Variants in ZNF718 observed in about 807,000 individuals in gnomAD.
ZNF718 encodes zinc finger protein 718.
In ZNF718, 3 loss-of-function variants were observed where a neutral mutation model predicts 2.6. The ratio of observed to expected loss-of-function variants is 1.16; its 90% CI spans 0.53 to 3.01. The LOEUF (loss-of-function observed/expected upper bound fraction) is 3.01. Among genes scored for constraint, ZNF718 ranks in the 30% most tolerant of loss-of-function variants. ZNF718 has a pLI of 0.03. For missense variants in ZNF718, 468 were observed against 230.0 expected (o/e 2.03, Z -6.69); for synonymous variants, 135 against 77.9 (o/e 1.73, Z -3.86).
intron 3 of ZNF718, among the ~76,000 whole-genome samples, chr4:147,993 A>G (rs1347471074): frequency 6.6e-6 from 1 of 152,180 alleles, no homozygotes; most frequent in Non-Finnish European, 1.5e-5. Context: ...AGGTTCCTGG[A>G]AGAGCAGGGT....
chr4:142,400 T>C (rs1553810410), intron 3 of ZNF718, among the ~76,000 whole-genome samples: 1 of 152,198 alleles, frequency 6.6e-6, no homozygotes, highest in African/African-American at 2.4e-5. Context: ...AAATAAAAGA[T>C]GAAAGCCCAG....
At chr4:192,611 A>G (rs61794968) in intron 3 of ZNF718, among the ~76,000 whole-genome samples, 59,163 of 151,862 alleles carry the variant, frequency 0.39, 12,018 homozygotes, top group South Asian at 0.49. Flanking sequence ...CTTAACTGCT[A>G]TCTGCTGAAC....
intron 3 of ZNF718, among the ~76,000 whole-genome samples, chr4:141,871 T>C (rs1715826543): frequency 2.6e-5 from 4 of 152,240 alleles, no homozygotes; most frequent in Admixed American, 2.6e-4. Context: ...GTGGGCCATT[T>C]AAACATTTTA....
chr4:136,317 A>G, intron 3 of ZNF718: 1 of 515,898 alleles, frequency 1.9e-6, no homozygotes, highest in South Asian at 1.4e-5. Flanking sequence ...GAACTGAGTC[A>G]CAGGACTGCT....
At chr4:154,003 GTGT>G (rs1186124606) in intron 3 of ZNF718, among the ~76,000 whole-genome samples, 1 of 152,142 alleles carries the variant, frequency 6.6e-6, no homozygotes, top group Admixed American at 6.5e-5. Context: ...TAATTCCCAT[GTGT>G]TGTGGGAGAT....
At chr4:181,097 C>G (rs572137119) in intron 3 of ZNF718, among the ~76,000 whole-genome samples, 1 of 149,772 alleles carries the variant, frequency 6.7e-6, no homozygotes, top group Admixed American at 6.6e-5. Context: ...TTGTGGCACA[C>G]TGCAGCCTCA....
At chr4:178,094 A>G (rs545005057) in intron 3 of ZNF718, among the ~76,000 whole-genome samples, 3 of 152,068 alleles carry the variant, frequency 2.0e-5, no homozygotes, top group Non-Finnish European at 4.4e-5. Context: ...ACATCTTTGC[A>G]TACACAGATA....
chr4:186,786 G>T (rs1717574508), intron 3 of ZNF718, among the ~76,000 whole-genome samples: 1 of 152,098 alleles, frequency 6.6e-6, no homozygotes, highest in Non-Finnish European at 1.5e-5. Flanking sequence ...ATGTATACTG[G>T]CTATTTTGGC....
chr4:198,745 C>A (rs1717840977), intron 3 of ZNF718, among the ~76,000 whole-genome samples: 1 of 152,214 alleles, frequency 6.6e-6, no homozygotes, highest in South Asian at 2.1e-4. Context: ...TAGAATGCTG[C>A]TGGAGGATTC....
chr4:139,698 G>C (rs537616220), intron 3 of ZNF718, among the ~76,000 whole-genome samples: 1 of 152,342 alleles, frequency 6.6e-6, no homozygotes, highest in Admixed American at 6.5e-5. Flanking sequence ...CCTACAACTG[G>C]TAACGTATAT....
Position 163,437 on chromosome 4 carries a change from C to G in ZNF718, c.*1315C>G, listed in dbSNP as rs1553816090. ...TCTCCTGACCTCGTGATCCGCCCGC[C>G]TCGGCCTCCCAAAGTGCTGGGATTA... On this transcript the variant is annotated 3_prime_UTR_variant, in exon 4 of 4. Transcript: ENST00000510175. 6.6e-6 allele frequency: 1 copy of G among 152,190 alleles called. No individual in the cohort carries two copies. Among genetic ancestry groups the G allele is most frequent in the Non-Finnish European group, 1.5e-5 (1 of 68,042 alleles). 9.4% of individuals were successfully genotyped at this position (152,190 alleles called of 1,614,324 possible).
intron 1 of ZNF718, among the ~76,000 whole-genome samples, chr4:126,157 G>T (rs1217948537): frequency 6.6e-6 from 1 of 152,162 alleles, no homozygotes; most frequent in Admixed American, 6.5e-5. Context: ...TGCATACAGT[G>T]TGCCCAAGTT....
At chr4:126,831 T>C (rs57111475) in intron 1 of ZNF718, among the ~76,000 whole-genome samples, 2,059 of 147,336 alleles carry the variant, frequency 0.014, 52 homozygotes, top group African/African-American at 0.047. Context: ...ATTTTTCTCT[T>C]TTTTTTTTTT....
chr4:170,213 A>C (rs1717192902), intron 3 of ZNF718, among the ~76,000 whole-genome samples: 2 of 152,184 alleles, frequency 1.3e-5, no homozygotes, highest in African/African-American at 4.8e-5. Context: ...CTGCCGAGAG[A>C]TCAGCTGTTA....
chr4:178,876 T>C (rs1384224697), intron 3 of ZNF718, among the ~76,000 whole-genome samples: 1 of 152,204 alleles, frequency 6.6e-6, no homozygotes, highest in Non-Finnish European at 1.5e-5. Context: ...TCCCTTGATA[T>C]GCAGAAGGTT....
chr4:155,069 C>A (rs1342002611), intron 3 of ZNF718, among the ~76,000 whole-genome samples: 1 of 152,200 alleles, frequency 6.6e-6, no homozygotes, highest in African/African-American at 2.4e-5. Context: ...TGGTAGGTTC[C>A]ATGTGATCTT....
chr4:197,454 A>G (rs1377035784), intron 3 of ZNF718, among the ~76,000 whole-genome samples: 1 of 152,186 alleles, frequency 6.6e-6, no homozygotes, highest in East Asian at 1.9e-4. Context: ...GGCTAAGAAT[A>G]CATTAAGACT....
chr4:136,039 A>G (rs1715557736), intron 3 of ZNF718, among the ~76,000 whole-genome samples: 1 of 152,000 alleles, frequency 6.6e-6, no homozygotes, highest in East Asian at 1.9e-4. Flanking sequence ...TGCTGATGAG[A>G]TTACCTCTGC....
chr4:170,269 C>T (rs1553817712), intron 3 of ZNF718, among the ~76,000 whole-genome samples: 1 of 152,186 alleles, frequency 6.6e-6, no homozygotes, highest in East Asian at 1.9e-4. Flanking sequence ...TTCTCTCTGG[C>T]TGCCCTTAAC....
Sources: gnomAD v4.1 joint callset for allele counts (sites outside exome capture counted in the v4.1 genomes callset) on GRCh38, gnomAD v4.1.1 for gene constraint, MANE v1.5 for transcripts, NCBI Gene and HGNC (gene_info 2026-07-23, HGNC 2026-07-21) for gene names.